Variants in CHD1 observed in about 807,000 individuals in gnomAD.
CHD1 encodes ATP-dependent chromatin remodeler CHD1.
Under a neutral mutation model 224.2 loss-of-function variants are expected in CHD1, and 36 were observed. The observed-to-expected ratio is 0.16, with a 90% confidence interval of 0.12 to 0.21. The LOEUF is 0.21. CHD1 is among the 10% of genes least tolerant of loss of function. The pLI is 1.00. For synonymous variants in CHD1, 668 were observed against 658.3 expected (o/e 1.01, Z -0.23); for missense variants, 1,378 against 1,994.8 (o/e 0.69, Z 5.89).
chr5:98,899,636 T>A lies in CHD1; in HGVS notation c.929A>T (p.Asn310Ile). The part of the protein sequence containing the change: ...DGDPNAGFEK[N>I]KEPGEIQYLI... ...ATACTGAATCTCTCCTGGTTCTTTG[T>A]TTTTTTCAAAGCCTGCATTTGGGTC... Residue 310 changes from asparagine (N) to isoleucine (I), a missense_variant, in exon 8 of 36, where the codon AAC becomes ATC. By Grantham distance (149) the Asn-to-Ile change is moderately radical. Around this residue, in one of 16 missense-constraint regions of CHD1, gnomAD observed 40 missense variants for 60.0 expected, o/e 0.67. Transcript: ENST00000614616. 1 of 1,613,936 alleles carries A rather than the reference T, an allele frequency of 6.2e-7. No homozygotes were observed. Among genetic ancestry groups the A allele is most frequent in the Non-Finnish European group, 8.5e-7 (1 of 1,179,924 alleles).
At chr5:98,881,019 C>T in intron 22 of CHD1, 57 bp downstream of exon 22, 1 of 980,970 alleles carries the variant, frequency 1.0e-6, no homozygotes, top group Non-Finnish European at 1.6e-6. Flanking sequence ...CACTAAATGA[C>T]ATAACTCAAT....
At chr5:98,875,765 G>C (rs1197409198) in intron 24 of CHD1, among the ~76,000 whole-genome samples, 1 of 151,998 alleles carries the variant, frequency 6.6e-6, no homozygotes, top group Admixed American at 6.6e-5. Context: ...AAGTTACAAT[G>C]GCTTCAAAGA....
chr5:98,921,857 A>AC (rs1753116754), intron 2 of CHD1, among the ~76,000 whole-genome samples: 1 of 152,192 alleles, frequency 6.6e-6, no homozygotes, highest in Non-Finnish European at 1.5e-5. Flanking sequence ...CTTATTTAAA[A>AC]CTAAAAAAAG....
At chr5:98,888,685 C>T (rs1750811003) in intron 16 of CHD1, among the ~76,000 whole-genome samples, 1 of 152,198 alleles carries the variant, frequency 6.6e-6, no homozygotes, top group Non-Finnish European at 1.5e-5. Context: ...CTTCGCACTT[C>T]TGACTTATCT....
intron 17 of CHD1, among the ~76,000 whole-genome samples, chr5:98,887,349 A>AATC (rs1318759573): frequency 6.6e-6 from 1 of 152,098 alleles, no homozygotes; most frequent in African/African-American, 2.4e-5. Flanking sequence ...AAGAGATGAT[A>AATC]AGCTCTGACA....
chr5:98,882,925 T>G (rs1291400000), intron 19 of CHD1, among the ~76,000 whole-genome samples, 163 bp downstream of exon 19: 1 of 152,064 alleles, frequency 6.6e-6, no homozygotes, highest in Non-Finnish European at 1.5e-5. Flanking sequence ...TGTCAGACTC[T>G]CCAGGTGATT....
intron 1 of CHD1, among the ~76,000 whole-genome samples, chr5:98,926,737 G>A (rs1185159435): frequency 1.3e-5 from 2 of 152,050 alleles, no homozygotes; most frequent in Non-Finnish European, 2.9e-5. Context: ...GTATGCTACT[G>A]CTAATATACT....
chr5:98,926,572 G>A (rs1439415825), intron 1 of CHD1, 38 bp from the exon 2 acceptor site: 1 of 387,792 alleles, frequency 2.6e-6, no homozygotes, highest in Non-Finnish European at 4.5e-6. Context: ...AAAATTTCCT[G>A]CAGAAAAAAG....
chr5:98,922,071 GAA>G (rs1449868139), intron 2 of CHD1, among the ~76,000 whole-genome samples: 1 of 152,100 alleles, frequency 6.6e-6, no homozygotes, highest in Non-Finnish European at 1.5e-5. Context: ...AAAACTGCCA[GAA>G]CACAGGAGAC....
chr5:98,888,127 T>A lies in CHD1; in HGVS notation c.2457A>T (p.Ile819=), dbSNP rs761733026. ...GACGATATTTCAAATATTCTGCAAG[T>A]ATATCTAACATCCGCACCATTTGTG... ...IFSQMVRMLD[I]LAEYLKYRQF... The change falls in exon 17 of 36, where the codon ATA becomes ATT. Residue 819 remains isoleucine (I), a synonymous_variant. Transcript: ENST00000614616. 23 of 1,605,246 alleles carry A rather than the reference T, an allele frequency of 1.4e-5. No homozygotes were observed. The highest frequency in any genetic ancestry group is 1.8e-5 in the Non-Finnish European group (21 of 1,174,430).
intron 6 of CHD1, 38 bp from the exon 7 acceptor site, chr5:98,901,120 G>C: frequency 6.4e-7 from 1 of 1,567,374 alleles, no homozygotes; most frequent in Non-Finnish European, 8.6e-7. Context: ...CAAGATTTGA[G>C]AAACTATATA....
At chr5:98,858,730 G>A (rs543103455) in intron 34 of CHD1, 24 of 423,828 alleles carry the variant, frequency 5.7e-5, no homozygotes, top group African/African-American at 4.5e-4. Flanking sequence ...ACAATTTCTA[G>A]AAACTGAGAA....
At chr5:98,902,870 TGAA>T in intron 5 of CHD1, 27 bp downstream of exon 5, 2 of 1,389,964 alleles carry the variant, frequency 1.4e-6, no homozygotes, top group East Asian at 2.3e-5. Flanking sequence ...TTTTCTAAAA[TGAA>T]GTAGTCAGTT....
At chr5:98,928,218 G>A (rs949768044) in intron 1 of CHD1, among the ~76,000 whole-genome samples, 4 of 151,788 alleles carry the variant, frequency 2.6e-5, no homozygotes, top group African/African-American at 9.7e-5. Context: ...TGGGAGCCCG[G>A]GTCGCGGCAG....
intron 31 of CHD1, among the ~76,000 whole-genome samples, chr5:98,868,199 T>C (rs967212497): frequency 6.6e-6 from 1 of 151,830 alleles, no homozygotes; most frequent in African/African-American, 2.4e-5. Flanking sequence ...ATATGGCACA[T>C]GCCTCTAGTC....
intron 30 of CHD1, 155 bp from the exon 31 acceptor site, chr5:98,868,790 C>CAAATAA: frequency 1.2e-6 from 1 of 800,866 alleles, no homozygotes; most frequent in Non-Finnish European, 1.8e-6. Flanking sequence ...TTTTTTTCCC[C>CAAATAA]AATTTTATTT....
At chr5:98,919,445 T>C (rs962699215) in intron 2 of CHD1, among the ~76,000 whole-genome samples, 5 of 152,182 alleles carry the variant, frequency 3.3e-5, no homozygotes, top group African/African-American at 7.2e-5. Context: ...CAGAAAACAG[T>C]GTTTTGACTA....
rs1749429558 is a variant in CHD1, at chr5:98,872,552, C to T, written c.3575G>A (p.Gly1192Asp). 13 of 1,611,704 alleles carry T rather than the reference C, an allele frequency of 8.1e-6. No homozygotes were observed. The highest frequency in any genetic ancestry group is 8.5e-6 in the Non-Finnish European group (10 of 1,179,288). The change falls in exon 27 of 36, where the codon GGT becomes GAT. Residue 1192 changes from glycine to aspartate, a missense_variant. Physicochemically the swap from Gly to Asp is moderately conservative, Grantham distance 94 (BLOSUM62 -1). Coordinates refer to ENST00000614616, the MANE Select transcript of CHD1 (RefSeq NM_001270.4). The part of the protein sequence containing the change: ...DSSSGTERTG[G>D]RLGKVKGPTF... ...TGGACCCTTCACTTTTCCGAGTCTA[C>T]CACCTTGATTTTTTTTAAAAAAACC...
intron 23 of CHD1, among the ~76,000 whole-genome samples, chr5:98,878,490 C>A (rs1438301751): frequency 6.6e-6 from 1 of 152,168 alleles, no homozygotes; most frequent in African/African-American, 2.4e-5. Flanking sequence ...AATCTTATAT[C>A]CTAAAAACCA....
Sources: allele counts gnomAD v4.1 joint callset (sites outside exome capture counted in the v4.1 genomes callset), GRCh38; gene constraint gnomAD v4.1.1; regional missense constraint gnomAD v4.1.1; transcripts MANE v1.5; gene names NCBI Gene and HGNC (gene_info 2026-07-23, HGNC 2026-07-21).